The following SLCO1B3 variants were observed in gnomAD, a reference collection of about 807,000 sequenced individuals.
The protein encoded by SLCO1B3 is solute carrier organic anion transporter family member 1B3.
In SLCO1B3, 72 loss-of-function variants were observed where a neutral mutation model predicts 71.8. The observed-to-expected ratio is 1.00, with a 90% CI of 0.83 to 1.22. The LOEUF is 1.22. Ranked by LOEUF, SLCO1B3 falls within the 50% of genes most tolerant of loss-of-function variation. SLCO1B3 has a pLI of 0.00. For missense variants in SLCO1B3, 911 were observed against 819.7 expected, an observed-to-expected ratio of 1.11 and a Z score of -1.36; for synonymous variants, 298 against 278.4, an observed-to-expected ratio of 1.07 and a Z score of -0.70.
Position 20,827,808 on chromosome 12 carries a change from TCCGC to T in SLCO1B3, c.84+11992_84+11995del, listed in dbSNP as rs1365140602. 3.3e-5 allele frequency among the ~76,000 whole-genome samples: 5 copies of T among 152,256 alleles called. No homozygotes were observed. In the East Asian group the frequency reaches 9.7e-4, roughly 30 times the overall value. On this transcript the variant is annotated intron_variant, in intron 3 of 15. Coordinates refer to ENST00000381545, the MANE Select transcript of SLCO1B3 (RefSeq NM_019844.4). The stretch of plus-strand genomic sequence containing the variant: ...TGCTCTCGAACTCCTGACCTCATGA[TCCGC>T]CCGCCTTGGCCTTCCAAAGTGCTGA...
intron 8 of SLCO1B3, among the ~76,000 whole-genome samples, chr12:20,874,319 G>T (rs1591774044): frequency 1.3e-5 from 2 of 152,156 alleles, no homozygotes; most frequent in South Asian, 2.1e-4. Flanking sequence ...GAGGAGAATG[G>T]CAAGAGGATG....
rs916294640 is a variant in SLCO1B3 at position 20,821,034 on chromosome 12, C to T, written c.84+5212C>T. 5.3e-5 allele frequency among the ~76,000 whole-genome samples: 8 copies of T among 152,074 alleles called. No individual in the cohort carries two copies. In the South Asian group the frequency reaches 1.0e-3, roughly 20 times the overall value. ...GCAGAGGCTGAGGAAGAATTGGGAA[C>T]TAGCTCGGCCTGGCGAGGAGGGGAG... On this transcript the variant is annotated intron_variant, in intron 3 of 15. Coordinates refer to ENST00000381545, the MANE Select transcript of SLCO1B3 (RefSeq NM_019844.4).
At chr12:20,897,075 G>T (rs894521753) in intron 13 of SLCO1B3, among the ~76,000 whole-genome samples, 32 of 152,162 alleles carry the variant, frequency 2.1e-4, no homozygotes, top group African/African-American at 7.0e-4. Flanking sequence ...TGGGTATTAT[G>T]TGAGTAAAAT....
At chr12:20,825,436 G>A (rs1473043307) in intron 3 of SLCO1B3, among the ~76,000 whole-genome samples, 3 of 152,088 alleles carry the variant, frequency 2.0e-5, no homozygotes, top group African/African-American at 7.2e-5. Context: ...GGTTTGACTG[G>A]TGTTACGGTT....
intron 3 of SLCO1B3, among the ~76,000 whole-genome samples, chr12:20,838,697 G>T (rs557104366): frequency 2.0e-5 from 3 of 152,036 alleles, no homozygotes; most frequent in African/African-American, 7.2e-5. Flanking sequence ...TTGTATCTAA[G>T]CATAGAAAAA....
chr12:20,913,277 C>T (rs1043776537), intron 15 of SLCO1B3, among the ~76,000 whole-genome samples: 5 of 152,136 alleles, frequency 3.3e-5, no homozygotes, highest in Admixed American at 3.3e-4. Context: ...CAAAACAATA[C>T]ACTATGTACC....
chr12:20,885,482 A>G (rs977491345), intron 13 of SLCO1B3, among the ~76,000 whole-genome samples: 9 of 150,248 alleles, frequency 6.0e-5, no homozygotes, highest in Non-Finnish European at 1.2e-4. Flanking sequence ...GCAAGTAAAT[A>G]TGTAAAACAG....
chr12:20,844,236 C>G (rs535223801), intron 3 of SLCO1B3, among the ~76,000 whole-genome samples: 5 of 151,572 alleles, frequency 3.3e-5, no homozygotes, highest in Non-Finnish European at 7.4e-5. Context: ...TATAAAGATA[C>G]CTTACATATA....
At chr12:20,849,370 A>G (rs1591759866) in intron 3 of SLCO1B3, among the ~76,000 whole-genome samples, 1 of 151,996 alleles carries the variant, frequency 6.6e-6, no homozygotes, top group Admixed American at 6.6e-5. Flanking sequence ...CAACACAAAC[A>G]CCCAGAAAAC....
intron 3 of SLCO1B3, among the ~76,000 whole-genome samples, chr12:20,840,792 A>C (rs974656799): frequency 4.6e-5 from 7 of 152,300 alleles, no homozygotes; most frequent in Middle Eastern, 3.4e-3. Context: ...CAGGTCAGTT[A>C]AGCTTAGATA....
intron 15 of SLCO1B3, among the ~76,000 whole-genome samples, chr12:20,903,677 A>G (rs1866173881): frequency 6.6e-6 from 1 of 152,148 alleles, no homozygotes; most frequent in African/African-American, 2.4e-5. Flanking sequence ...AAAGGGAGAA[A>G]TCCACCCCCA....
rs1172710433 is a variant in SLCO1B3 at position 20,834,151 on chromosome 12, GTATT to G, written c.84+18333_84+18336del. Among the ~76,000 whole-genome samples the G allele has an allele frequency of 6.3e-4, 64 of 101,996 alleles. No individual in the cohort carries two copies. The South Asian group carries it at 9.0e-3, about 14-fold the overall frequency. 66.9% of individuals were successfully genotyped at this position (101,996 alleles called of 152,430 possible). A position where few individuals can be genotyped will look rare whatever the true frequency, so the allele number is the denominator to read the frequency against. ...ACATACATACACATATAAAATATAT[GTATT>G]TATATATCAAACTATGTATGTATAT... is the stretch of plus-strand genomic sequence containing the variant. On this transcript the variant is annotated intron_variant, in intron 3 of 15. Coordinates refer to ENST00000381545, the MANE Select transcript of SLCO1B3 (RefSeq NM_019844.4).
chr12:20,814,981 C>CTTTTTTTTTTT (rs71039997), intron 2 of SLCO1B3, among the ~76,000 whole-genome samples: 6 of 89,276 alleles, frequency 6.7e-5, no homozygotes, highest in Non-Finnish European at 1.2e-4. Context: ...CTTTTCTTTT[C>CTTTTTTTTTTT]TTTTTTTTTT....
At chr12:20,819,098 G>A (rs1310966103) in intron 3 of SLCO1B3, among the ~76,000 whole-genome samples, 2 of 152,196 alleles carry the variant, frequency 1.3e-5, no homozygotes, top group Admixed American at 6.5e-5. Flanking sequence ...GGCAGCCGCT[G>A]CACGCGGACA....
intron 13 of SLCO1B3, among the ~76,000 whole-genome samples, chr12:20,886,877 C>A (rs905647329): frequency 1.3e-5 from 2 of 151,952 alleles, no homozygotes; most frequent in Non-Finnish European, 1.5e-5. Context: ...TTCCACCCTC[C>A]CACACTTTAG....
intron 15 of SLCO1B3, among the ~76,000 whole-genome samples, chr12:20,906,170 A>G (rs1413502489): frequency 6.6e-6 from 1 of 152,168 alleles, no homozygotes; most frequent in Admixed American, 6.5e-5. Flanking sequence ...CAATCAATAA[A>G]AAGAAATGAG....
rs555631927 is a variant in SLCO1B3 at position 20,875,347 on chromosome 12, G to A, written c.840G>A (p.Pro280=). 125 of 1,611,404 alleles carry A rather than the reference G, an allele frequency of 7.8e-5. No homozygotes were observed. Among genetic ancestry groups the A allele is most frequent in the Middle Eastern group, 3.3e-4 (2 of 6,046 alleles). ...CTTCCATACCATTTTTTTTCTTGCC[G>A]AAAAATCCAAATAAACCACAAAAAG... ...IISSIPFFFL[P]KNPNKPQKER... is the part of the protein sequence containing the mutation. Residue 280 remains proline, a synonymous_variant, in exon 9 of 16, where the codon CCG becomes CCA. Coordinates refer to ENST00000381545, the MANE Select transcript of SLCO1B3 (RefSeq NM_019844.4).
Position 20,916,240 on chromosome 12 carries a change from C to A in SLCO1B3, c.2102C>A (p.Ala701Asp). The change falls in exon 16 of 16, where the codon GCC becomes GAC. Residue 701 changes from alanine to aspartate, a missense_variant. Coordinates refer to ENST00000381545, the MANE Select transcript of SLCO1B3 (RefSeq NM_019844.4). Reference sequence around the variant, plus strand: ...TTGGACATGCAAGACAATGCTGCTGCCAACTAACATTGCATTGATTCATTA... The same window carrying A: ...TTGGACATGCAAGACAATGCTGCTGACAACTAACATTGCATTGATTCATTA... ...CNLDMQDNAA[A>D]N 6.2e-7 allele frequency: 1 copy of A among 1,612,032 alleles called. No homozygotes were observed. The highest frequency in any genetic ancestry group is 8.5e-7 in the Non-Finnish European group (1 of 1,178,700).
intron 3 of SLCO1B3, among the ~76,000 whole-genome samples, chr12:20,829,284 C>T (rs1591747810): frequency 6.6e-6 from 1 of 152,186 alleles, no homozygotes; most frequent in Non-Finnish European, 1.5e-5. Context: ...ACAAAAACTA[C>T]AATTCAGCTA....
Sources: allele counts gnomAD v4.1 joint callset (sites outside exome capture counted in the v4.1 genomes callset), GRCh38; gene constraint gnomAD v4.1.1; transcripts MANE v1.5; gene names NCBI Gene and HGNC (gene_info 2026-07-23, HGNC 2026-07-21).